WNK1: variants seen among roughly 807,000 people sequenced by gnomAD.
WNK1 encodes the protein WNK lysine deficient protein kinase 1.
In WNK1, 38 loss-of-function variants were observed where a neutral mutation model predicts 222.8. That is an observed-to-expected ratio of 0.17 (90% CI 0.13 to 0.22). The LOEUF (loss-of-function observed/expected upper bound fraction) is 0.22, where lower values mean the gene tolerates loss of function less well. Ranked by LOEUF, WNK1 falls within the 10% of genes least tolerant of loss-of-function variation. The pLI, the probability that WNK1 is intolerant of heterozygous loss-of-function variation, is 1.00. For synonymous variants in WNK1, 1,090 were observed against 1,092.9 expected (o/e 1.00, Z 0.05); for missense variants, 2,348 against 2,918.4 (o/e 0.80, Z 4.50).
At chr12:812,607 C>T (rs189406728) in intron 1 of WNK1, among the ~76,000 whole-genome samples, 1 of 152,210 alleles carries the variant, frequency 6.6e-6, no homozygotes, top group Admixed American at 6.5e-5. Flanking sequence ...TTATTACATT[C>T]CTTATTGGGT....
chr12:884,284 A>G lies in WNK1; in HGVS notation c.3844+41A>G. 1 of 1,613,218 alleles carries G rather than the reference A, an allele frequency of 6.2e-7. No individual in the cohort carries two copies. Among genetic ancestry groups the G allele is most frequent in the Non-Finnish European group, 8.5e-7 (1 of 1,179,532 alleles). On this transcript the variant is annotated intron_variant, in intron 18 of 27. Coordinates refer to ENST00000315939, the MANE Select transcript of WNK1 (RefSeq NM_018979.4). The surrounding 1 kb of genome is among the most constrained non-coding windows in gnomAD (Gnocchi z 5.6). ...TGCCACATTGTTATGTAAATTCTAC[A>G]GTGCCTCTGCTATGTTGAAAGCTTA... is the stretch of plus-strand genomic sequence containing the variant.
At chr12:829,289 G>A (rs1265052793) in intron 3 of WNK1, among the ~76,000 whole-genome samples, 1 of 152,138 alleles carries the variant, frequency 6.6e-6, no homozygotes, top group Non-Finnish European at 1.5e-5. Flanking sequence ...GTGTGTGTGT[G>A]TTTGTCTTTT....
chr12:908,508 G>A lies in WNK1; in HGVS notation c.6865G>A (p.Gly2289Arg), dbSNP rs748489954. 1 of 1,614,134 alleles carries A rather than the reference G, an allele frequency of 6.2e-7. No homozygotes were observed. Among genetic ancestry groups the A allele is most frequent in the South Asian group, 1.1e-5 (1 of 91,082 alleles). ...AATGGCAAGGAAGTTCTCTGCACCT[G>A]GGCAACTGTGCATCTCCATGACCTC... is the stretch of plus-strand genomic sequence containing the variant. ...PGMARKFSAP[G>R]QLCISMTSNL... Residue 2289 changes from glycine (G) to arginine (R), a missense_variant, in exon 28 of 28, where the codon GGG becomes AGG. Transcript: ENST00000315939.
intron 1 of WNK1, among the ~76,000 whole-genome samples, chr12:804,617 C>T (rs1946189800): frequency 6.6e-6 from 1 of 152,138 alleles, no homozygotes; most frequent in South Asian, 2.1e-4. Context: ...AGGTGATCCA[C>T]CTGCCTTGGC....
In WNK1 at chr12:770,488, TAATGTGACTACTAGAAAATTAAATTTC is replaced by T. The variant is rs1284332358; in HGVS notation, c.759+16166_759+16192del. On this transcript the variant is annotated intron_variant, in intron 1 of 27. Coordinates refer to ENST00000315939, the MANE Select transcript of WNK1 (RefSeq NM_018979.4). ...ATTAATCTGTTTCTTTTTACATTTT[TAATGTGACTACTAGAAAATTAAATTTC>T]ATTTAGCTCACATTATGTTTCTGTT... 3.3e-5 allele frequency among the ~76,000 whole-genome samples: 5 copies of T among 152,258 alleles called. 1 individual carries two copies. The highest frequency in any genetic ancestry group is 1.2e-4 in the African/African-American group (5 of 41,468).
rs1287503582 is a variant in WNK1 at position 855,458 on chromosome 12, CT to C, written c.1312-1700del. 2.0e-5 allele frequency among the ~76,000 whole-genome samples: 3 copies of C among 152,112 alleles called. No homozygotes were observed. In the South Asian group the frequency reaches 6.2e-4, roughly 31 times the overall value. On this transcript the variant is annotated intron_variant, in intron 4 of 27. Transcript: ENST00000315939. Reference sequence around the variant, plus strand: ...GGATATAACTCTTGTACTTAAAAGACTTTAGAGCTTATCATTTTATGTATTT... The same window carrying C: ...GGATATAACTCTTGTACTTAAAAGACTTAGAGCTTATCATTTTATGTATTT...
chr12:782,726 A>G (rs1340071785), intron 1 of WNK1, among the ~76,000 whole-genome samples: 3 of 151,540 alleles, frequency 2.0e-5, no homozygotes, highest in Middle Eastern at 3.2e-3. Flanking sequence ...CTGATCTCGA[A>G]CTCCTGACCT....
In WNK1 at chr12:858,885, G is replaced by A. The variant is rs566582747; in HGVS notation, c.1401-360G>A. Among the ~76,000 whole-genome samples the A allele has an allele frequency of 3.3e-5, 5 of 152,226 alleles. No individual in the cohort carries two copies. In the East Asian group the frequency reaches 5.8e-4, roughly 18 times the overall value. ...TTTTGAAGCTTTAATAGAGCCAATT[G>A]TGTTAGCCCACCATTACTAGTATAC... On this transcript the variant is annotated intron_variant, in intron 5 of 27. Transcript: ENST00000315939.
At chr12:758,693 C>G (rs1940581979) in intron 1 of WNK1, among the ~76,000 whole-genome samples, 1 of 147,118 alleles carries the variant, frequency 6.8e-6, no homozygotes, top group South Asian at 2.2e-4. Flanking sequence ...TAAATTTGTG[C>G]CACATTCCTT....
In WNK1 at chr12:911,147, G is replaced by GA. The variant is rs1389420960; in HGVS notation, c.*2357dup. 5.0e-6 allele frequency: 2 copies of GA among 396,380 alleles called. No homozygotes were observed. The highest frequency in any genetic ancestry group is 4.1e-5 in the African/African-American group (2 of 48,562). The allele number at this position is 396,380 out of a possible 1,614,324, so 24.6% of individuals were successfully genotyped here. A position where few individuals can be genotyped will look rare whatever the true frequency, so the allele number is the denominator to read the frequency against. On this transcript the variant is annotated 3_prime_UTR_variant, in exon 28 of 28. Transcript: ENST00000315939. ...TGTGTATGAAATAACAAGCCTAGAG[G>GA]AATGAACTAGTGCTACTGAACTGTT...
chr12:776,637 G>A (rs1030237057), intron 1 of WNK1, among the ~76,000 whole-genome samples: 3 of 151,718 alleles, frequency 2.0e-5, no homozygotes, highest in South Asian at 2.1e-4. Context: ...TCACCATGTT[G>A]GCCAGGATGG....
At chr12:808,548 T>A (rs1015629296) in intron 1 of WNK1, among the ~76,000 whole-genome samples, 1 of 152,166 alleles carries the variant, frequency 6.6e-6, no homozygotes, top group Non-Finnish European at 1.5e-5. Context: ...TCTGCTACTT[T>A]TAGCATTAAC....
At chr12:777,448 G>A (rs1340433290) in intron 1 of WNK1, among the ~76,000 whole-genome samples, 1 of 152,010 alleles carries the variant, frequency 6.6e-6, no homozygotes. Context: ...GTGAGCCACC[G>A]CGCCCAGCCT....
chr12:798,272 A>G (rs2153987677), intron 1 of WNK1, among the ~76,000 whole-genome samples: 1 of 150,606 alleles, frequency 6.6e-6, no homozygotes, highest in East Asian at 2.0e-4. Context: ...GCTCACTGCA[A>G]CCTCCGCCTC....
intron 3 of WNK1, 62 bp from the exon 4 acceptor site, chr12:829,941 C>T: frequency 6.3e-7 from 1 of 1,589,972 alleles, no homozygotes; most frequent in East Asian, 2.2e-5. Context: ...TGCTTCTCAC[C>T]CCGGTGAGTA....
chr12:892,840 T>A (rs1011148490), intron 22 of WNK1, among the ~76,000 whole-genome samples: 1 of 152,188 alleles, frequency 6.6e-6, no homozygotes, highest in African/African-American at 2.4e-5. Flanking sequence ...TGGTACAGCC[T>A]CTGGGGGGAT....
intron 9 of WNK1, among the ~76,000 whole-genome samples, chr12:876,269 C>T (rs1178503451): frequency 2.6e-5 from 4 of 152,034 alleles, no homozygotes; most frequent in Admixed American, 6.5e-5. Context: ...ATTAGCCGGG[C>T]GTGGTGGCAG....
intron 22 of WNK1, among the ~76,000 whole-genome samples, chr12:893,335 G>A (rs927686382): frequency 2.6e-5 from 4 of 152,068 alleles, no homozygotes; most frequent in African/African-American, 9.7e-5. Context: ...TATATATATG[G>A]TATATACATA....
At chr12:781,654 A>G (rs895050545) in intron 1 of WNK1, among the ~76,000 whole-genome samples, 1 of 152,220 alleles carries the variant, frequency 6.6e-6, no homozygotes, top group Non-Finnish European at 1.5e-5. Flanking sequence ...TACTGGCATT[A>G]GCTATAACAC....
Sources: gnomAD v4.1 joint callset for allele counts (sites outside exome capture counted in the v4.1 genomes callset) on GRCh38, gnomAD v4.1.1 for gene constraint, Gnocchi (gnomAD v3.1) non-coding constraint, MANE v1.5 for transcripts, NCBI Gene and HGNC (gene_info 2026-07-23, HGNC 2026-07-21) for gene names.